LRRIQ1: variants seen among roughly 807,000 people sequenced by gnomAD.
LRRIQ1 encodes the protein leucine rich repeats and IQ motif containing 1.
A neutral mutation model predicts 211.9 loss-of-function variants in LRRIQ1; 210 were observed. That is an observed-to-expected ratio of 0.99 (90% CI 0.89 to 1.11). The LOEUF (loss-of-function observed/expected upper bound fraction) is 1.11. Ranked by LOEUF, LRRIQ1 falls within the 50% of genes most tolerant of loss-of-function variation. The probability of loss-of-function intolerance (pLI) is 0.00; values close to 1 mark genes in which losing one functional copy is unlikely to be tolerated. For synonymous variants in LRRIQ1, 699 were observed against 650.1 expected (o/e 1.08, Z -1.14); for missense variants, 2,136 against 1,939.5 (o/e 1.10, Z -1.90).
At chr12:85,176,106 A>G (rs1015660851) in intron 24 of LRRIQ1, among the ~76,000 whole-genome samples, 1 of 152,010 alleles carries the variant, frequency 6.6e-6, no homozygotes, top group African/African-American at 2.4e-5. Flanking sequence ...CAGTATGGCC[A>G]TTTTCACGAT....
In LRRIQ1 at chr12:85,056,034, A is replaced by C; in HGVS notation, c.1241A>C (p.Asp414Ala). 1 of 1,601,220 alleles carries C rather than the reference A, an allele frequency of 6.2e-7. No homozygotes were observed. Among genetic ancestry groups the C allele is most frequent in the Non-Finnish European group, 8.5e-7 (1 of 1,176,366 alleles). The change falls in exon 8 of 27, where the codon GAT becomes GCT. Residue 414 changes from aspartate to alanine, a missense_variant. Coordinates refer to ENST00000393217, the MANE Select transcript of LRRIQ1 (RefSeq NM_001079910.2). ...GYNNKHLSLEDISNDKGDIAK... is the reference protein window; with the variant it reads ...GYNNKHLSLEAISNDKGDIAK... The stretch of plus-strand genomic sequence containing the variant: ...AATAACAAACATTTAAGTCTTGAAG[A>C]TATTTCAAATGATAAGGGTGATATA...
At position 85,262,985 on chromosome 12, in the gene LRRIQ1, AT is replaced by A. The variant is rs1255753301; in HGVS notation, c.193del (p.Ser65HisfsTer27). On this transcript the variant is annotated frameshift_variant, in exon 2 of 2. Transcript: ENST00000602731. LOFTEE classifies it high-confidence loss of function. Reference sequence around the variant, plus strand: ...CAAGACCTTCTAAAAAAGAACGTATATCATTCCGAGACAATCCTGTACAACT... The same window carrying A: ...CAAGACCTTCTAAAAAAGAACGTATACATTCCGAGACAATCCTGTACAACT... 2.1e-5 allele frequency: 21 copies of A among 987,844 alleles called. No individual in the cohort carries two copies. Among genetic ancestry groups the A allele is most frequent in the Non-Finnish European group, 2.5e-5 (21 of 829,952 alleles). 61.2% of individuals were successfully genotyped at this position (987,844 alleles called of 1,614,324 possible).
At chr12:85,068,235 C>T (rs1352200273) in intron 10 of LRRIQ1, among the ~76,000 whole-genome samples, 1 of 151,776 alleles carries the variant, frequency 6.6e-6, no homozygotes, top group Non-Finnish European at 1.5e-5. Flanking sequence ...ATACTGTCCA[C>T]CTTTTCAGTC....
intron 24 of LRRIQ1, chr12:85,162,795 C>T: frequency 8.8e-6 from 4 of 455,866 alleles, no homozygotes; most frequent in South Asian, 6.2e-5. Flanking sequence ...CTTTTGGAAC[C>T]AGGTAAAGTA....
intron 24 of LRRIQ1, among the ~76,000 whole-genome samples, chr12:85,175,175 G>A (rs1378206695): frequency 6.6e-6 from 1 of 152,082 alleles, no homozygotes; most frequent in African/African-American, 2.4e-5. Context: ...AAGCTACTGA[G>A]GGAACTGCTC....
At chr12:85,085,809 T>C (rs966895346) in intron 11 of LRRIQ1, among the ~76,000 whole-genome samples, 3 of 152,236 alleles carry the variant, frequency 2.0e-5, no homozygotes, top group Non-Finnish European at 4.4e-5. Context: ...ATGGTGTGTA[T>C]GTACTACATT....
intron 1 of LRRIQ1, among the ~76,000 whole-genome samples, chr12:85,261,881 C>T (rs1367207899): frequency 6.6e-6 from 1 of 151,960 alleles, no homozygotes; most frequent in Non-Finnish European, 1.5e-5. Context: ...CCCTCCGCCT[C>T]CCAGGTTCAA....
At chr12:85,094,678 G>A (rs1452621281) in intron 11 of LRRIQ1, among the ~76,000 whole-genome samples, 1 of 152,006 alleles carries the variant, frequency 6.6e-6, no homozygotes, top group Non-Finnish European at 1.5e-5. Flanking sequence ...GGTAGAAATA[G>A]TGTTATATCT....
rs760138485 is a variant in LRRIQ1, at chr12:85,070,609, TTC to T, written c.2696-2285_2696-2284del. On this transcript the variant is annotated intron_variant, in intron 10 of 26. Coordinates refer to ENST00000393217, the MANE Select transcript of LRRIQ1 (RefSeq NM_001079910.2). ...GTTTGTTTTACTACTTGTTCTACCT[TTC>T]TCTCTCTCTCTCAATATTCTTATGA... Among the ~76,000 whole-genome samples, 212 of 151,626 alleles carry T rather than the reference TTC, an allele frequency of 1.4e-3. 1 individual carries two copies. The highest frequency in any genetic ancestry group is 2.1e-3 in the Non-Finnish European group (142 of 67,854).
intron 8 of LRRIQ1, among the ~76,000 whole-genome samples, chr12:85,060,305 A>G (rs1483290248): frequency 2.0e-5 from 3 of 152,018 alleles, no homozygotes; most frequent in Admixed American, 2.0e-4. Flanking sequence ...ATATGCAGTA[A>G]TATCTCAAAA....
chr12:85,058,787 T>G (rs1000724917), intron 8 of LRRIQ1, among the ~76,000 whole-genome samples: 2 of 152,050 alleles, frequency 1.3e-5, no homozygotes, highest in African/African-American at 4.8e-5. Flanking sequence ...ATAGGTCTGG[T>G]GATCCACCCA....
chr12:85,130,741 T>C lies in LRRIQ1; in HGVS notation c.4209+2708T>C, dbSNP rs139604922. On this transcript the variant is annotated intron_variant, in intron 18 of 26. Transcript: ENST00000393217. ...AACATTCTGAGGGAGTACAGTGTGA[T>C]ATAGCAGAAACAACCGGGGCTTAAG... 1.5e-4 allele frequency among the ~76,000 whole-genome samples: 23 copies of C among 152,296 alleles called. No homozygotes were observed. The East Asian group carries it at 3.9e-3, about 26-fold the overall frequency.
At chr12:85,166,084 T>G (rs943478860) in intron 24 of LRRIQ1, among the ~76,000 whole-genome samples, 1 of 152,192 alleles carries the variant, frequency 6.6e-6, no homozygotes, top group Non-Finnish European at 1.5e-5. Context: ...TATTTTTGCT[T>G]CATTATTCCT....
chr12:85,147,462 C>G (rs979686517), intron 19 of LRRIQ1, among the ~76,000 whole-genome samples: 1 of 151,760 alleles, frequency 6.6e-6, no homozygotes, highest in Non-Finnish European at 1.5e-5. Context: ...GGGCTATAGG[C>G]AGCTGTGATT....
intron 1 of LRRIQ1, among the ~76,000 whole-genome samples, chr12:85,251,072 AGT>A (rs1161753063): frequency 7.0e-6 from 1 of 142,588 alleles, no homozygotes; most frequent in African/African-American, 2.6e-5. Flanking sequence ...TTGAATTATA[AGT>A]GTATTTATGA....
intron 15 of LRRIQ1, among the ~76,000 whole-genome samples, chr12:85,115,064 T>C (rs540377715): frequency 9.8e-4 from 149 of 152,316 alleles, no homozygotes; most frequent in African/African-American, 3.4e-3. Context: ...TGAAATCTCC[T>C]TTGGGAATTT....
At chr12:85,230,627 C>T (rs370822603) in intron 25 of LRRIQ1, among the ~76,000 whole-genome samples, 37 of 152,168 alleles carry the variant, frequency 2.4e-4, no homozygotes, top group African/African-American at 8.4e-4. Context: ...AAAGCATATA[C>T]GCATCCTGAA....
chr12:85,091,155 C>G (rs866801878), intron 11 of LRRIQ1, among the ~76,000 whole-genome samples: 3 of 152,134 alleles, frequency 2.0e-5, no homozygotes, highest in East Asian at 1.9e-4. Flanking sequence ...CCTAAGGTCT[C>G]TCTAGAAGCT....
intron 15 of LRRIQ1, among the ~76,000 whole-genome samples, chr12:85,113,782 G>A (rs1193647445): frequency 2.6e-5 from 4 of 152,124 alleles, no homozygotes; most frequent in Non-Finnish European, 4.4e-5. Context: ...CTAAAGTGCT[G>A]TAGTATTTAT....
Sources: gnomAD v4.1 joint callset for allele counts (sites outside exome capture counted in the v4.1 genomes callset) on GRCh38, gnomAD v4.1.1 for gene constraint, MANE v1.5 for transcripts, NCBI Gene and HGNC (gene_info 2026-07-23, HGNC 2026-07-21) for gene names.